The following PARD3B variants were observed in gnomAD, a reference collection of about 807,000 sequenced individuals.
The protein encoded by PARD3B is par-3 family cell polarity regulator beta.
In PARD3B, 103 loss-of-function variants were observed where a neutral mutation model predicts 130.2. The observed-to-expected ratio is 0.79, with a 90% CI of 0.67 to 0.93. PARD3B has a LOEUF of 0.93. PARD3B is among the 40% of genes least tolerant of loss of function. The pLI is 0.00. For synonymous variants in PARD3B, 583 were observed against 553.2 expected, an observed-to-expected ratio of 1.05 and a Z score of -0.76; for missense variants, 1,609 against 1,499.2, an observed-to-expected ratio of 1.07 and a Z score of -1.21.
chr2:205,038,411 A>T (rs1181749544), intron 3 of PARD3B, among the ~76,000 whole-genome samples: 1 of 152,056 alleles, frequency 6.6e-6, no homozygotes, highest in African/African-American at 2.4e-5. Flanking sequence ...AACCCTTGAG[A>T]CCTAGTGCAT....
At chr2:204,957,958 G>A (rs1369379970) in intron 2 of PARD3B, among the ~76,000 whole-genome samples, 2 of 152,058 alleles carry the variant, frequency 1.3e-5, no homozygotes, top group African/African-American at 4.8e-5. Context: ...CACAGAATAT[G>A]TAGGAAACAG....
At chr2:205,518,825 C>T (rs1052008510) in intron 21 of PARD3B, among the ~76,000 whole-genome samples, 1 of 152,098 alleles carries the variant, frequency 6.6e-6, no homozygotes, top group Non-Finnish European at 1.5e-5. Context: ...TCTTATTTCT[C>T]CTTTGCTTAG....
intron 2 of PARD3B, among the ~76,000 whole-genome samples, chr2:204,747,833 A>T (rs900565677): frequency 1.3e-5 from 2 of 152,140 alleles, no homozygotes; most frequent in Admixed American, 1.3e-4. Flanking sequence ...AAGATATAGG[A>T]TGTAATCAAG....
intron 4 of PARD3B, among the ~76,000 whole-genome samples, chr2:205,102,203 A>AT (rs1559438309): frequency 6.6e-6 from 1 of 152,058 alleles, no homozygotes; most frequent in South Asian, 2.1e-4. Context: ...ATAAATGTTT[A>AT]TTTTTTTAAT....
At chr2:204,583,479 G>T (rs1173715785) in intron 1 of PARD3B, among the ~76,000 whole-genome samples, 12 of 107,468 alleles carry the variant, frequency 1.1e-4, no homozygotes, top group African/African-American at 4.3e-4. Context: ...CTGTGGTGGG[G>T]TGGGGGGAGG....
At chr2:205,419,359 A>G (rs1030226206) in intron 19 of PARD3B, among the ~76,000 whole-genome samples, 1 of 152,170 alleles carries the variant, frequency 6.6e-6, no homozygotes, top group Non-Finnish European at 1.5e-5. Flanking sequence ...CCCACTAGCC[A>G]TGTAAAACTG....
chr2:204,659,025 A>G (rs972716251), intron 1 of PARD3B, among the ~76,000 whole-genome samples: 3 of 152,182 alleles, frequency 2.0e-5, no homozygotes, highest in Admixed American at 6.6e-5. Context: ...CAGGCCAGCT[A>G]TCACATTGTT....
At chr2:204,897,485 T>C (rs1335574504) in intron 2 of PARD3B, among the ~76,000 whole-genome samples, 2 of 151,972 alleles carry the variant, frequency 1.3e-5, no homozygotes, top group African/African-American at 2.4e-5. Context: ...TGATTATTTT[T>C]TTTCTTAAAC....
At chr2:204,621,618 T>C (rs1293749616) in intron 1 of PARD3B, among the ~76,000 whole-genome samples, 1 of 152,210 alleles carries the variant, frequency 6.6e-6, no homozygotes. Flanking sequence ...TAAAGCGGTA[T>C]ATTTAACTTT....
intron 1 of PARD3B, among the ~76,000 whole-genome samples, chr2:204,659,414 G>A (rs2125180385): frequency 6.6e-6 from 1 of 152,260 alleles, no homozygotes; most frequent in East Asian, 1.9e-4. Flanking sequence ...ACCATCAATG[G>A]AGCTGGACAG....
chr2:205,376,734 A>G (rs1312673726), intron 18 of PARD3B, among the ~76,000 whole-genome samples: 1 of 152,156 alleles, frequency 6.6e-6, no homozygotes, highest in Non-Finnish European at 1.5e-5. Context: ...AAGTAAAATC[A>G]TTACTGAGCA....
chr2:205,238,188 T>G (rs955863363), intron 15 of PARD3B, among the ~76,000 whole-genome samples: 1 of 152,216 alleles, frequency 6.6e-6, no homozygotes, highest in African/African-American at 2.4e-5. Flanking sequence ...ACAAATGCCC[T>G]GCTGAAGGTG....
rs1188914597 is a variant in PARD3B, at chr2:205,589,671, G to A, written c.3261-25785G>A. On this transcript the variant is annotated intron_variant, in intron 22 of 22. Coordinates refer to ENST00000406610, the MANE Select transcript of PARD3B (RefSeq NM_001302769.2). The surrounding 1 kb of genome is among the most constrained non-coding windows in gnomAD (Gnocchi z 4.1). ...AAATTAATTGCACCCTCACATTGTT[G>A]TCTCTATTGGAGAATTGCTAGAGGA... Among the ~76,000 whole-genome samples the A allele has an allele frequency of 2.6e-5, 4 of 152,060 alleles. No individual in the cohort carries two copies. The highest frequency in any genetic ancestry group is 4.8e-5 in the African/African-American group (2 of 41,398).
At chr2:205,535,389 A>G (rs1280187419) in intron 21 of PARD3B, among the ~76,000 whole-genome samples, 1 of 152,204 alleles carries the variant, frequency 6.6e-6, no homozygotes, top group South Asian at 2.1e-4. Context: ...AGGACATTTC[A>G]AAACTAAACC....
At chr2:205,001,393 G>A (rs1022819805) in intron 3 of PARD3B, among the ~76,000 whole-genome samples, 57 of 152,296 alleles carry the variant, frequency 3.7e-4, no homozygotes, top group African/African-American at 1.2e-3. Flanking sequence ...TTCATCATTT[G>A]TGTTGGAATA....
At chr2:205,429,833 A>G (rs1387943750) in intron 19 of PARD3B, among the ~76,000 whole-genome samples, 1 of 152,144 alleles carries the variant, frequency 6.6e-6, no homozygotes, top group Non-Finnish European at 1.5e-5. Context: ...GTGTCAGCAG[A>G]GTTGCTTCTT....
At chr2:205,548,421 C>T (rs566749295) in intron 21 of PARD3B, among the ~76,000 whole-genome samples, 1 of 152,244 alleles carries the variant, frequency 6.6e-6, no homozygotes, top group Non-Finnish European at 1.5e-5. Context: ...TCATTTATTC[C>T]TGTTTTGGTG....
At chr2:205,131,357 T>C (rs899182918) in intron 10 of PARD3B, among the ~76,000 whole-genome samples, 2 of 152,220 alleles carry the variant, frequency 1.3e-5, no homozygotes, top group Non-Finnish European at 2.9e-5. Context: ...TCATGTCTTA[T>C]GATGAAGTCC....
At chr2:205,295,174 A>G (rs1237069907) in intron 16 of PARD3B, among the ~76,000 whole-genome samples, 1 of 152,212 alleles carries the variant, frequency 6.6e-6, no homozygotes, top group East Asian at 1.9e-4. Flanking sequence ...TGTGACTCCT[A>G]CTTGGAATTT....
Sources: gnomAD v4.1 joint callset for allele counts (sites outside exome capture counted in the v4.1 genomes callset) on GRCh38, gnomAD v4.1.1 for gene constraint, Gnocchi (gnomAD v3.1) non-coding constraint, MANE v1.5 for transcripts, NCBI Gene and HGNC (gene_info 2026-07-23, HGNC 2026-07-21) for gene names.